The following HIVEP3 variants were observed in gnomAD, a reference collection of about 807,000 sequenced individuals.
HIVEP3 encodes HIVEP zinc finger 3.
Under a neutral mutation model 152.8 loss-of-function variants are expected in HIVEP3, and 49 were observed. The ratio of observed to expected loss-of-function variants is 0.32; its 90% confidence interval spans 0.26 to 0.41. HIVEP3 has a LOEUF of 0.41. HIVEP3 is among the 10% of genes least tolerant of loss of function. HIVEP3 has a pLI of 1.00. For synonymous variants in HIVEP3, 1,269 were observed against 1,289.0 expected, an observed-to-expected ratio of 0.98 and a Z score of 0.33; for missense variants, 2,790 against 3,103.3, an observed-to-expected ratio of 0.90 and a Z score of 2.40.
intron 1 of HIVEP3, among the ~76,000 whole-genome samples, chr1:41,906,847 TTC>T (rs556072926): frequency 2.0e-5 from 3 of 146,588 alleles, no homozygotes; most frequent in East Asian, 2.0e-4. Flanking sequence ...TTTTTTTTTT[TTC>T]TCTCTCTCTC....
At chr1:41,874,796 C>A (rs558568252) in intron 1 of HIVEP3, among the ~76,000 whole-genome samples, 1 of 152,168 alleles carries the variant, frequency 6.6e-6, no homozygotes, top group Non-Finnish European at 1.5e-5. Flanking sequence ...ATTTAGTTAG[C>A]GGTCTCCAAG....
intron 1 of HIVEP3, among the ~76,000 whole-genome samples, chr1:42,015,587 G>A (rs2124532139): frequency 6.6e-6 from 1 of 152,302 alleles, no homozygotes; most frequent in East Asian, 1.9e-4. Flanking sequence ...ATTAGGAAGG[G>A]GCTTTAAAGG....
chr1:41,528,157 C>A (rs1242611760), intron 5 of HIVEP3, among the ~76,000 whole-genome samples: 3 of 142,258 alleles, frequency 2.1e-5, no homozygotes, highest in African/African-American at 8.0e-5. Context: ...TACACTCACA[C>A]TTGCCCTCAC....
chr1:41,779,893 C>T (rs1287708685), intron 1 of HIVEP3, among the ~76,000 whole-genome samples: 6 of 152,194 alleles, frequency 3.9e-5, no homozygotes, highest in Admixed American at 6.5e-5. Context: ...AGACAGATGC[C>T]GATGTGCACC....
At chr1:41,728,854 A>G (rs1019799562) in intron 1 of HIVEP3, among the ~76,000 whole-genome samples, 1 of 152,204 alleles carries the variant, frequency 6.6e-6, no homozygotes, top group Non-Finnish European at 1.5e-5. Context: ...CAGAAGGCAC[A>G]GGCTAGGGTC....
intron 2 of HIVEP3, among the ~76,000 whole-genome samples, chr1:41,680,008 C>G (rs1440146384): frequency 6.6e-6 from 1 of 152,168 alleles, no homozygotes; most frequent in African/African-American, 2.4e-5. Flanking sequence ...ATGACTATAC[C>G]CTGTGCCTCA....
At chr1:41,659,285 C>T (rs1183120678) in intron 2 of HIVEP3, among the ~76,000 whole-genome samples, 1 of 152,232 alleles carries the variant, frequency 6.6e-6, no homozygotes, top group African/African-American at 2.4e-5. Context: ...AGAGAACTCT[C>T]TGGGCCCCCA....
At chr1:41,815,806 G>T in intron 1 of HIVEP3, among the ~76,000 whole-genome samples, 1 of 149,908 alleles carries the variant, frequency 6.7e-6, no homozygotes, top group African/African-American at 2.5e-5. Context: ...GTCTCTCTCT[G>T]TTGCCCAAGC....
chr1:41,821,588 C>T (rs1023578138), intron 1 of HIVEP3, among the ~76,000 whole-genome samples: 2 of 152,232 alleles, frequency 1.3e-5, no homozygotes, highest in Admixed American at 1.3e-4. Context: ...CACCTCTCTC[C>T]ACAATCCAAA....
intron 1 of HIVEP3, among the ~76,000 whole-genome samples, chr1:41,856,511 T>C (rs917515506): frequency 6.6e-6 from 1 of 152,194 alleles, no homozygotes; most frequent in Non-Finnish European, 1.5e-5. Flanking sequence ...TCAGAAGCTC[T>C]TGTTGCAGCC....
intron 1 of HIVEP3, among the ~76,000 whole-genome samples, chr1:41,761,662 CAT>C (rs1273566171): frequency 6.6e-6 from 1 of 151,952 alleles, no homozygotes; most frequent in African/African-American, 2.4e-5. Flanking sequence ...TGCATGTACA[CAT>C]GTGTATACAT....
intron 2 of HIVEP3, among the ~76,000 whole-genome samples, chr1:41,636,959 CAA>C (rs56258158): frequency 3.4e-4 from 43 of 127,124 alleles, no homozygotes; most frequent in African/African-American, 1.2e-3. Flanking sequence ...AACTCCATCT[CAA>C]AAAAAAAAAA....
chr1:41,553,899 C>T (rs1221508957), intron 5 of HIVEP3, among the ~76,000 whole-genome samples: 2 of 152,180 alleles, frequency 1.3e-5, no homozygotes, highest in Non-Finnish European at 2.9e-5. Context: ...TTGCGGGTAA[C>T]CTGACCTTTC....
chr1:41,932,914 A>T (rs1263404581), intron 1 of HIVEP3, among the ~76,000 whole-genome samples: 6 of 151,764 alleles, frequency 4.0e-5, no homozygotes, highest in Non-Finnish European at 8.8e-5. Flanking sequence ...TAATTGCCTT[A>T]AGACTTCCTC....
intron 1 of HIVEP3, among the ~76,000 whole-genome samples, chr1:41,734,554 G>C (rs1475326329): frequency 6.6e-6 from 1 of 152,234 alleles, no homozygotes; most frequent in African/African-American, 2.4e-5. Flanking sequence ...GGAGCGATGG[G>C]CCACTGGGTG....
At chr1:42,032,755 TC>T (rs1164034827) in intron 1 of HIVEP3, among the ~76,000 whole-genome samples, 1 of 152,104 alleles carries the variant, frequency 6.6e-6, no homozygotes, top group Non-Finnish European at 1.5e-5. Context: ...GTCCATTCCT[TC>T]CTGGACCCAT....
intron 1 of HIVEP3, among the ~76,000 whole-genome samples, chr1:41,892,565 A>C (rs1186921462): frequency 6.6e-6 from 1 of 152,218 alleles, no homozygotes; most frequent in Non-Finnish European, 1.5e-5. Context: ...GTGCTGAGTG[A>C]GGCAGTATCA....
intron 1 of HIVEP3, among the ~76,000 whole-genome samples, chr1:41,984,816 C>T (rs1479777606): frequency 6.6e-6 from 1 of 152,178 alleles, no homozygotes; most frequent in East Asian, 1.9e-4. Flanking sequence ...CTTTCACATG[C>T]CAGGCACCCA....
At chr1:41,675,368 A>G (rs1251345809) in intron 2 of HIVEP3, among the ~76,000 whole-genome samples, 4 of 152,020 alleles carry the variant, frequency 2.6e-5, no homozygotes, top group African/African-American at 9.7e-5. Flanking sequence ...TTCCACATCC[A>G]GCGGACTCCT....
Sources: allele counts gnomAD v4.1 joint callset (sites outside exome capture counted in the v4.1 genomes callset), GRCh38; gene constraint gnomAD v4.1.1; transcripts MANE v1.5; gene names NCBI Gene and HGNC (gene_info 2026-07-23, HGNC 2026-07-21).